Variants in FAM162B observed in about 807,000 individuals in gnomAD.
FAM162B encodes family with sequence similarity 162 member B.
Under a neutral mutation model 20.0 loss-of-function variants are expected in FAM162B, and 16 were observed. The observed-to-expected ratio is 0.80, with a 90% CI of 0.54 to 1.21. The LOEUF is 1.21. FAM162B is among the 50% of genes most tolerant of loss of function. FAM162B has a pLI of 0.00. For missense variants in FAM162B, 260 were observed against 227.5 expected (o/e 1.14, Z -0.92); for synonymous variants, 83 against 89.7 (o/e 0.93, Z 0.42).
chr6:116,755,534 G>A (rs1473191636), intron 3 of FAM162B, among the ~76,000 whole-genome samples: 2 of 152,222 alleles, frequency 1.3e-5, no homozygotes, highest in East Asian at 1.9e-4. Flanking sequence ...AGAAGCTACA[G>A]CAAGTCATCT....
intron 3 of FAM162B, 47 bp from the exon 4 acceptor site, chr6:116,752,742 G>GGA: frequency 5.2e-6 from 2 of 387,344 alleles, no homozygotes; most frequent in Non-Finnish European, 7.3e-6. Context: ...ATAGATACAC[G>GGA]TATATATATA....
intron 2 of FAM162B, 34 bp downstream of exon 2, chr6:116,765,113 C>G (rs1413779960): frequency 6.2e-7 from 1 of 1,603,684 alleles, no homozygotes; most frequent in South Asian, 1.1e-5. Flanking sequence ...GGCCGGGGAC[C>G]GACTCTCCTT....
Position 116,762,003 on chromosome 6 carries a change from AG to A in FAM162B, c.363del (p.Phe122LeufsTer3). On this transcript the variant is annotated frameshift_variant, in exon 3 of 4. Coordinates refer to ENST00000368557, the MANE Select transcript of FAM162B (RefSeq NM_001085480.3). LOFTEE classifies it high-confidence loss of function. ...YIMIGLTIIA[C>X]FAVIVSAKRA... Reference sequence around the variant, plus strand: ...CTTTTGGCTGACACTATCACAGCAAAGCAGGCGATAATTGTGAGTCCAATCA... The same window carrying A: ...CTTTTGGCTGACACTATCACAGCAAACAGGCGATAATTGTGAGTCCAATCA... 1 of 1,602,648 alleles carries A rather than the reference AG, an allele frequency of 6.2e-7. No homozygotes were observed. The highest frequency in any genetic ancestry group is 8.5e-7 in the Non-Finnish European group (1 of 1,171,324).
intron 2 of FAM162B, among the ~76,000 whole-genome samples, chr6:116,763,776 A>AT (rs5879386): frequency 0.43 from 61,128 of 142,666 alleles, 12,971 homozygotes; most frequent in Middle Eastern, 0.58. Flanking sequence ...ACTTATTTTA[A>AT]TTTTTTTTTT....
At chr6:116,759,964 T>TG in intron 3 of FAM162B, among the ~76,000 whole-genome samples, 1 of 152,302 alleles carries the variant, frequency 6.6e-6, no homozygotes, top group African/African-American at 2.4e-5. Context: ...TGGCCTCTCC[T>TG]GGGGTGTTAC....
Position 116,765,146 on chromosome 6 carries a change from C to G in FAM162B, c.281+1G>C, listed in dbSNP as rs199926099. The G allele has an allele frequency of 1.9e-6, 3 of 1,612,992 alleles. No individual in the cohort carries two copies. Among genetic ancestry groups the G allele is most frequent in the Middle Eastern group, 1.6e-4 (1 of 6,062 alleles). On this transcript the variant is annotated splice_donor_variant, in intron 2 of 3. Transcript: ENST00000368557. LOFTEE classifies it high-confidence loss of function. ...CTTCGCGCGGCGGTCGCCACACTTA[C>G]GGGATCCGAGGCGGGATCTCCTCCA...
intron 2 of FAM162B, 133 bp downstream of exon 2, chr6:116,765,014 T>C (rs1771880300): frequency 4.0e-6 from 3 of 745,240 alleles, no homozygotes; most frequent in Non-Finnish European, 7.0e-6. Context: ...ACTCCGTGTG[T>C]GGTGGGTGAT....
At chr6:116,762,907 T>C (rs989987419) in intron 2 of FAM162B, among the ~76,000 whole-genome samples, 3 of 152,278 alleles carry the variant, frequency 2.0e-5, no homozygotes, top group African/African-American at 4.8e-5. Flanking sequence ...AATATGCATA[T>C]TTAAAGAATT....
intron 2 of FAM162B, among the ~76,000 whole-genome samples, chr6:116,763,170 G>T (rs1263910143): frequency 6.6e-6 from 1 of 152,140 alleles, no homozygotes; most frequent in African/African-American, 2.4e-5. Context: ...TGAGTATGGA[G>T]AAATTATTAG....
intron 3 of FAM162B, among the ~76,000 whole-genome samples, chr6:116,761,102 G>T (rs1048874268): frequency 6.6e-6 from 1 of 152,116 alleles, no homozygotes; most frequent in Non-Finnish European, 1.5e-5. Context: ...ACAGCTCAAA[G>T]GTAGAAGGAA....
chr6:116,765,163 T>A lies in FAM162B; in HGVS notation c.265A>T (p.Ile89Phe). 6.2e-7 allele frequency: 1 copy of A among 1,613,574 alleles called. No homozygotes were observed. The highest frequency in any genetic ancestry group is 1.1e-5 in the South Asian group (1 of 91,078). The change falls in exon 2 of 4, where the codon ATC becomes TTC. Residue 89 changes from isoleucine (I) to phenylalanine (F), a missense_variant. Transcript: ENST00000368557. Reference protein sequence around the residue: ...WTGRFKSMEEIPPRIPPEMID... With the variant: ...WTGRFKSMEEFPPRIPPEMID... ...CACACTTACGGGATCCGAGGCGGGA[T>A]CTCCTCCATCGATTTGAAACGCCCT...
chr6:116,754,923 C>T (rs1780036075), intron 3 of FAM162B, among the ~76,000 whole-genome samples: 1 of 152,078 alleles, frequency 6.6e-6, no homozygotes, highest in East Asian at 1.9e-4. Flanking sequence ...TAAGTATGCC[C>T]ATATAAGACA....
At chr6:116,752,755 T>TAC (rs1554259853) in intron 3 of FAM162B, 60 bp from the exon 4 acceptor site, 24 of 432,912 alleles carry the variant, frequency 5.5e-5, no homozygotes, top group Non-Finnish European at 7.1e-5. Context: ...TATATATATA[T>TAC]ATACATATAT....
intron 3 of FAM162B, among the ~76,000 whole-genome samples, chr6:116,761,372 C>G (rs768074097): frequency 6.6e-6 from 1 of 151,954 alleles, no homozygotes; most frequent in Non-Finnish European, 1.5e-5. Flanking sequence ...CAATCACTTC[C>G]AAGCTCTGCA....
Position 116,762,012 on chromosome 6 carries a change from T to A in FAM162B, c.355A>T (p.Ile119Phe). ...GACACTATCACAGCAAAGCAGGCGATAATTGTGAGTCCAATCATTATGTAA... is the reference window on the plus strand; with the variant it reads ...GACACTATCACAGCAAAGCAGGCGAAAATTGTGAGTCCAATCATTATGTAA... The part of the protein sequence containing the change: ...ACYIMIGLTI[I>F]ACFAVIVSAK... Residue 119 changes from isoleucine to phenylalanine, a missense_variant, in exon 3 of 4, where the codon ATC (isoleucine) becomes TTC (phenylalanine). Ile to Phe is a conservative substitution (Grantham distance 21). Coordinates refer to ENST00000368557, the MANE Select transcript of FAM162B (RefSeq NM_001085480.3). The A allele has an allele frequency of 6.2e-7, 1 of 1,603,214 alleles. No homozygotes were observed. The highest frequency in any genetic ancestry group is 8.5e-7 in the Non-Finnish European group (1 of 1,171,762).
chr6:116,759,177 C>T (rs1414604573), intron 3 of FAM162B, among the ~76,000 whole-genome samples: 1 of 151,758 alleles, frequency 6.6e-6, no homozygotes, highest in Non-Finnish European at 1.5e-5. Flanking sequence ...CTTGTGGCCA[C>T]TGGTAGTGTT....
Position 116,762,037 on chromosome 6 carries a change from A to G in FAM162B, c.330T>C (p.Cys110=), listed in dbSNP as rs1771792632. ...TARNKARVKA[C]YIMIGLTIIA... The stretch of plus-strand genomic sequence containing the variant: ...TAATTGTGAGTCCAATCATTATGTA[A>G]CAAGCTTTCACTCGAGCTTTGTTTC... The change falls in exon 3 of 4, where the codon TGT becomes TGC. Residue 110 remains cysteine (C), a synonymous_variant. Coordinates refer to ENST00000368557, the MANE Select transcript of FAM162B (RefSeq NM_001085480.3). The G allele has an allele frequency of 6.2e-7, 1 of 1,601,444 alleles. No homozygotes were observed. Among genetic ancestry groups the G allele is most frequent in the African/African-American group, 1.3e-5 (1 of 74,798 alleles).
intron 2 of FAM162B, among the ~76,000 whole-genome samples, chr6:116,764,130 C>T (rs1771858117): frequency 6.6e-6 from 1 of 152,098 alleles, no homozygotes; most frequent in Non-Finnish European, 1.5e-5. Flanking sequence ...ATCTGAGATG[C>T]TTTGGTAACT....
At chr6:116,758,228 T>C (rs542279244) in intron 3 of FAM162B, among the ~76,000 whole-genome samples, 1 of 152,230 alleles carries the variant, frequency 6.6e-6, no homozygotes, top group East Asian at 1.9e-4. Context: ...TGGAAACTGC[T>C]CCTTGGGCTG....
Sources: gnomAD v4.1 joint callset for allele counts (sites outside exome capture counted in the v4.1 genomes callset) on GRCh38, gnomAD v4.1.1 for gene constraint, MANE v1.5 for transcripts, NCBI Gene and HGNC (gene_info 2026-07-23, HGNC 2026-07-21) for gene names.